STS: variants seen among roughly 807,000 people sequenced by gnomAD.
The protein encoded by STS is steryl-sulfatase.
In STS, 7 loss-of-function variants were observed where a neutral mutation model predicts 26.8. The ratio of observed to expected loss-of-function variants is 0.26; its 90% CI spans 0.15 to 0.49. The LOEUF (loss-of-function observed/expected upper bound fraction) is 0.49, where lower values mean the gene tolerates loss of function less well. Ranked by LOEUF, STS falls within the 20% of genes least tolerant of loss-of-function variation. STS has a pLI of 0.98. For missense variants in STS, 434 were observed against 465.6 expected (o/e 0.93, Z 0.63); for synonymous variants, 199 against 189.4 (o/e 1.05, Z -0.42).
intron 1 of STS, among the ~76,000 whole-genome samples, chrX:7,165,849 C>T (rs1315433241): frequency 9.0e-6 from 1 of 110,952 alleles, no homozygotes; most frequent in African/African-American, 3.3e-5. Context: ...AAAATATCTT[C>T]AGACATTGCC....
chrX:7,289,635 A>G (rs1388903446), intron 7 of STS, among the ~76,000 whole-genome samples: 2 of 111,190 alleles, frequency 1.8e-5, no homozygotes, highest in Admixed American at 9.6e-5. Flanking sequence ...TCAGATTCCT[A>G]TGATGGTCAT....
At chrX:7,220,740 G>A (rs776417635) in intron 2 of STS, among the ~76,000 whole-genome samples, 1 of 108,629 alleles carries the variant, frequency 9.2e-6, no homozygotes, top group South Asian at 4.1e-4. Context: ...TAGTAGAGAC[G>A]GGGTTTCACG....
In STS at chrX:7,259,518, C is replaced by A. The variant is rs376588996; in HGVS notation, c.552C>A (p.Pro184=). 18 of 1,210,053 alleles carry A rather than the reference C, an allele frequency of 1.5e-5. No individual in the cohort carries two copies. The highest frequency in any genetic ancestry group is 2.3e-4 in the Middle Eastern group (1 of 4,376). Residue 184 remains proline (P), a synonymous_variant, in exon 6 of 11, where the codon CCC becomes CCA. Coordinates refer to ENST00000674429, the MANE Select transcript of STS (RefSeq NM_001320752.2). ...TTGFKRLVFL[P]LQIVGVTLLT... is the part of the protein sequence containing the mutation. Reference sequence around the variant, plus strand: ...GCTTCAAGAGGCTGGTCTTCCTCCCCCTGCAGATCGTCGGGGTCACCCTCC... The same window carrying A: ...GCTTCAAGAGGCTGGTCTTCCTCCCACTGCAGATCGTCGGGGTCACCCTCC...
rs1311821178 is a variant in STS, at chrX:7,305,038, C to T, written c.944-8C>T. On this transcript the variant is annotated splice_region_variant and splice_polypyrimidine_tract_variant and intron_variant, in intron 7 of 10. Coordinates refer to ENST00000674429, the MANE Select transcript of STS (RefSeq NM_001320752.2). ...ATTATTTTTAAATGGAGTCTTTTTCCCCTCCAGGGCAGATCTTGAACCTTC... is the reference window on the plus strand; with the variant it reads ...ATTATTTTTAAATGGAGTCTTTTTCTCCTCCAGGGCAGATCTTGAACCTTC... 1.7e-6 allele frequency: 2 copies of T among 1,208,762 alleles called. No homozygotes were observed. Among genetic ancestry groups the T allele is most frequent in the Non-Finnish European group, 2.2e-6 (2 of 894,278 alleles).
chrX:7,180,958 A>G (rs1011963622), intron 1 of STS, among the ~76,000 whole-genome samples: 2 of 112,261 alleles, frequency 1.8e-5, no homozygotes, highest in Non-Finnish European at 3.8e-5. Context: ...CCTTGATGGC[A>G]TGCTTCTAAA....
chrX:7,192,975 T>C (rs1292300402), intron 2 of STS, among the ~76,000 whole-genome samples: 1 of 112,559 alleles, frequency 8.9e-6, no homozygotes, highest in African/African-American at 3.2e-5. Context: ...AACTTAATCT[T>C]CTCTTTCTTC....
At chrX:7,180,365 G>C (rs1933658455) in intron 1 of STS, among the ~76,000 whole-genome samples, 1 of 111,675 alleles carries the variant, frequency 9.0e-6, no homozygotes, top group East Asian at 2.8e-4. Context: ...TCAAAATAGG[G>C]TTCACACTCC....
chrX:7,278,826 G>C (rs1471231156), intron 7 of STS, among the ~76,000 whole-genome samples: 2 of 111,846 alleles, frequency 1.8e-5, no homozygotes, highest in African/African-American at 6.5e-5. Flanking sequence ...ACATGTATTT[G>C]TGGGAGCCAT....
chrX:7,300,341 C>T (rs755918885), intron 7 of STS, among the ~76,000 whole-genome samples: 2 of 112,080 alleles, frequency 1.8e-5, no homozygotes, highest in South Asian at 3.7e-4. Flanking sequence ...AACTATCACT[C>T]TATATAAATC....
intron 2 of STS, among the ~76,000 whole-genome samples, chrX:7,213,841 G>A (rs1337381776): frequency 3.6e-5 from 4 of 110,841 alleles, no homozygotes; most frequent in Non-Finnish European, 7.6e-5. Flanking sequence ...TGGTACTTTG[G>A]GAGGTCAGGG....
At chrX:7,224,080 G>C (rs1380137248) in intron 2 of STS, among the ~76,000 whole-genome samples, 1 of 111,394 alleles carries the variant, frequency 9.0e-6, no homozygotes, top group Non-Finnish European at 1.9e-5. Context: ...TAAAAATGGA[G>C]ATAATGGGAC....
chrX:7,185,010 G>C (rs190141310), intron 1 of STS, among the ~76,000 whole-genome samples: 10 of 112,278 alleles, frequency 8.9e-5, no homozygotes, highest in Admixed American at 8.5e-4. Context: ...TTTTTGAGAA[G>C]AGGTTGCATC....
intron 6 of STS, among the ~76,000 whole-genome samples, chrX:7,272,734 G>A (rs961529600): frequency 6.3e-5 from 7 of 111,741 alleles, no homozygotes; most frequent in Non-Finnish European, 1.1e-4. Flanking sequence ...CACTTTGCGG[G>A]TGTCAGGAAC....
chrX:7,169,320 T>C (rs1933416114), intron 1 of STS, among the ~76,000 whole-genome samples: 1 of 112,417 alleles, frequency 8.9e-6, no homozygotes, highest in South Asian at 3.7e-4. Context: ...ATCTGCCCTT[T>C]CTCTTCTCTC....
intron 2 of STS, among the ~76,000 whole-genome samples, chrX:7,204,664 C>G (rs1401504137): frequency 2.9e-5 from 3 of 103,250 alleles, no homozygotes; most frequent in Non-Finnish European, 6.0e-5. Flanking sequence ...CTGCCTTCCT[C>G]CTTCCTTTTT....
chrX:7,298,300 G>T (rs5979331), intron 7 of STS, among the ~76,000 whole-genome samples: 39,140 of 110,405 alleles, frequency 0.35, 5,151 homozygotes, highest in East Asian at 0.41. Flanking sequence ...TAAACTTTTA[G>T]ATTTGATTTT....
intron 2 of STS, among the ~76,000 whole-genome samples, chrX:7,229,197 C>T (rs772003070): frequency 1.8e-5 from 2 of 112,267 alleles, no homozygotes; most frequent in African/African-American, 3.2e-5. Flanking sequence ...GTCATATTTT[C>T]GCCTAGAAAA....
At chrX:7,276,151 C>G (rs1017178216) in intron 7 of STS, 64 bp downstream of exon 7, 5 of 1,175,362 alleles carry the variant, frequency 4.3e-6, no homozygotes, top group Non-Finnish European at 4.6e-6. Flanking sequence ...TGTTTTCTTT[C>G]CTGTGTATTT....
At chrX:7,150,753 A>AG (rs1932996412) in intron 1 of STS, among the ~76,000 whole-genome samples, 3 of 111,478 alleles carry the variant, frequency 2.7e-5, no homozygotes, top group Non-Finnish European at 5.7e-5. Flanking sequence ...AAAAAAAAAA[A>AG]CAAACTGAAT....
Sources: allele counts gnomAD v4.1 joint callset (sites outside exome capture counted in the v4.1 genomes callset), GRCh38; gene constraint gnomAD v4.1.1; transcripts MANE v1.5; gene names NCBI Gene and HGNC (gene_info 2026-07-23, HGNC 2026-07-21).